Variants in TRPM7 observed in about 807,000 individuals in gnomAD.
TRPM7 encodes the protein LTRPC ion channel family member 7.
A neutral mutation model predicts 229.7 loss-of-function variants in TRPM7; 134 were observed. The observed-to-expected ratio is 0.58, with a 90% CI of 0.51 to 0.67. The LOEUF (loss-of-function observed/expected upper bound fraction) is 0.67, where lower values mean the gene tolerates loss of function less well. Ranked by LOEUF, TRPM7 falls within the 30% of genes least tolerant of loss-of-function variation. TRPM7 has a pLI of 0.00. For synonymous variants in TRPM7, 699 were observed against 715.2 expected (o/e 0.98, Z 0.36); for missense variants, 1,901 against 2,210.0 (o/e 0.86, Z 2.80).
chr15:50,647,391 A>G (rs1467271364), intron 4 of TRPM7, among the ~76,000 whole-genome samples: 2 of 152,092 alleles, frequency 1.3e-5, no homozygotes, highest in Non-Finnish European at 1.5e-5. Flanking sequence ...TTGGATTCCC[A>G]AAGTGCTGGG....
chr15:50,658,945 T>C (rs986292842), intron 2 of TRPM7, among the ~76,000 whole-genome samples: 1 of 152,206 alleles, frequency 6.6e-6, no homozygotes, highest in Non-Finnish European at 1.5e-5. Flanking sequence ...ACGCCTGTAA[T>C]GCCAGCACTT....
intron 13 of TRPM7, among the ~76,000 whole-genome samples, chr15:50,618,673 CAT>C (rs1395594699): frequency 6.6e-6 from 1 of 152,070 alleles, no homozygotes; most frequent in East Asian, 1.9e-4. Context: ...TTCTTACACG[CAT>C]ATGTTATGTA....
intron 3 of TRPM7, among the ~76,000 whole-genome samples, chr15:50,654,642 G>C (rs906654770): frequency 6.6e-6 from 1 of 151,252 alleles, no homozygotes; most frequent in Non-Finnish European, 1.5e-5. Context: ...CAGTAAAATG[G>C]AAACTATAAC....
rs1453512056 is a variant in TRPM7 at position 50,609,929 on chromosome 15, T to C, written c.2313A>G (p.Ile771Met). ...VILSILVPPA[I>M]LLLEYKTKAE... is the part of the protein sequence containing the mutation. ...CCTTAGTTTTATACTCTAACAGCAA[T>C]ATGGCAGGTGGAACTAAAATGCTTA... Residue 771 changes from isoleucine to methionine, a missense_variant, in exon 18 of 39, where the codon ATA becomes ATG. Ile to Met is a conservative substitution (Grantham distance 10). Around this residue, in one of 8 missense-constraint regions of TRPM7, gnomAD observed 14 missense variants for 16.3 expected, o/e 0.86. Transcript: ENST00000646667. 2.5e-6 allele frequency: 4 copies of C among 1,609,142 alleles called. No individual in the cohort carries two copies. The highest frequency in any genetic ancestry group is 3.4e-5 in the Admixed American group (2 of 59,624).
intron 22 of TRPM7, among the ~76,000 whole-genome samples, chr15:50,597,798 A>G (rs1233149831): frequency 1.3e-5 from 2 of 152,118 alleles, no homozygotes; most frequent in Non-Finnish European, 2.9e-5. Context: ...ATGCAGCTGT[A>G]ATCCCAGCTA....
At chr15:50,634,648 T>G (rs1381018438) in intron 7 of TRPM7, 92 bp from the exon 8 acceptor site, 1 of 938,016 alleles carries the variant, frequency 1.1e-6, no homozygotes, top group African/African-American at 1.7e-5. Flanking sequence ...AGTACTCTAA[T>G]TTTAGATTTT....
chr15:50,634,133 A>G (rs1322198886), intron 8 of TRPM7, among the ~76,000 whole-genome samples: 2 of 152,068 alleles, frequency 1.3e-5, no homozygotes, highest in Non-Finnish European at 2.9e-5. Context: ...AGCCTGCCCA[A>G]CACAGTGAAA....
intron 36 of TRPM7, among the ~76,000 whole-genome samples, chr15:50,573,751 A>C (rs1396972664): frequency 6.6e-6 from 1 of 152,188 alleles, no homozygotes; most frequent in African/African-American, 2.4e-5. Context: ...AAACATCTGT[A>C]TTATCTTAAC....
chr15:50,582,507 T>C (rs951092761), intron 29 of TRPM7: 2 of 152,238 alleles, frequency 1.3e-5, no homozygotes, highest in Non-Finnish European at 2.9e-5. Context: ...CTTTAATTTG[T>C]TGCAAAGTTG....
At chr15:50,647,772 G>C (rs1317467393) in intron 4 of TRPM7, among the ~76,000 whole-genome samples, 3 of 152,006 alleles carry the variant, frequency 2.0e-5, no homozygotes, top group Non-Finnish European at 4.4e-5. Flanking sequence ...AGAACATATA[G>C]TAGGCCTTCT....
chr15:50,574,324 T>C lies in TRPM7; in HGVS notation c.5258A>G (p.His1753Arg). The C allele has an allele frequency of 6.2e-7, 1 of 1,614,064 alleles. No homozygotes were observed. The change falls in exon 36 of 39, where the codon CAC becomes CGC. Residue 1753 changes from histidine to arginine, a missense_variant. Coordinates refer to ENST00000646667, the MANE Select transcript of TRPM7 (RefSeq NM_017672.6). ...CCCTCTTGTATATTCGTAAGTCCAG[T>C]GGCTAAAGGCTAGCATGATCTCTTC... Reference protein sequence around the residue: ...TLEEIMLAFSHWTYEYTRGEL... With the variant: ...TLEEIMLAFSRWTYEYTRGEL...
At chr15:50,680,753 T>G (rs776050178) in intron 1 of TRPM7, among the ~76,000 whole-genome samples, 3 of 152,160 alleles carry the variant, frequency 2.0e-5, no homozygotes, top group Non-Finnish European at 4.4e-5. Flanking sequence ...TAACTTGACA[T>G]AACACCTGTC....
At chr15:50,608,536 A>T (rs2059981034) in intron 19 of TRPM7, among the ~76,000 whole-genome samples, 1 of 152,224 alleles carries the variant, frequency 6.6e-6, no homozygotes, top group African/African-American at 2.4e-5. Context: ...ATGCAAATGT[A>T]AGCAAACTGC....
chr15:50,657,705 G>C (rs1328998754), intron 3 of TRPM7, 76 bp downstream of exon 3: 2 of 1,317,682 alleles, frequency 1.5e-6, no homozygotes, highest in African/African-American at 2.9e-5. Flanking sequence ...ATGCCACTGT[G>C]TTCTAACTCA....
chr15:50,628,378 G>T, intron 10 of TRPM7, 129 bp from the exon 11 acceptor site: 2 of 601,222 alleles, frequency 3.3e-6, no homozygotes, highest in South Asian at 2.1e-5. Context: ...GGTGATCATG[G>T]CTCACTGCAG....
chr15:50,626,702 G>A (rs1427460024), intron 11 of TRPM7, among the ~76,000 whole-genome samples: 2 of 151,766 alleles, frequency 1.3e-5, no homozygotes, highest in Non-Finnish European at 2.9e-5. Context: ...CACCACAGAT[G>A]ATTAACATTA....
chr15:50,622,585 A>C (rs943424939), intron 12 of TRPM7, among the ~76,000 whole-genome samples: 2 of 152,210 alleles, frequency 1.3e-5, no homozygotes, highest in African/African-American at 4.8e-5. Flanking sequence ...TGCTACACAT[A>C]CTAAAAGAAA....
intron 6 of TRPM7, 73 bp from the exon 7 acceptor site, chr15:50,637,666 A>C: frequency 7.7e-7 from 1 of 1,305,800 alleles, no homozygotes. Flanking sequence ...TTTTGAAATA[A>C]TCCGTAAAGA....
At chr15:50,657,183 G>A (rs2061597305) in intron 3 of TRPM7, among the ~76,000 whole-genome samples, 1 of 152,192 alleles carries the variant, frequency 6.6e-6, no homozygotes, top group African/African-American at 2.4e-5. Flanking sequence ...AATTAGCCGG[G>A]CATGGTGGCG....
Sources: gnomAD v4.1 joint callset for allele counts (sites outside exome capture counted in the v4.1 genomes callset) on GRCh38, gnomAD v4.1.1 for gene constraint, gnomAD v4.1.1 regional missense constraint, MANE v1.5 for transcripts, NCBI Gene and HGNC (gene_info 2026-07-23, HGNC 2026-07-21) for gene names.